Variants in GATAD2A observed in about 807,000 individuals in gnomAD.
GATAD2A encodes the protein GATA zinc finger domain containing 2A.
A neutral mutation model predicts 68.5 loss-of-function variants in GATAD2A; 12 were observed. The ratio of observed to expected loss-of-function variants is 0.18; its 90% CI spans 0.11 to 0.28. GATAD2A has a LOEUF of 0.28. Among genes scored for constraint, GATAD2A ranks in the 10% least tolerant of loss-of-function variants. The probability of loss-of-function intolerance (pLI) is 1.00; values close to 1 mark genes in which losing one functional copy is unlikely to be tolerated. For missense variants in GATAD2A, 755 were observed against 868.5 expected (o/e 0.87, Z 1.64); for synonymous variants, 410 against 375.3 (o/e 1.09, Z -1.07).
intron 11 of GATAD2A, 81 bp from the exon 12 acceptor site, chr19:19,505,263 G>A: frequency 1.4e-6 from 2 of 1,397,632 alleles, no homozygotes; most frequent in Admixed American, 1.9e-5. Context: ...TGGGGCTGGG[G>A]TCTAGGCAGC....
intron 1 of GATAD2A, among the ~76,000 whole-genome samples, chr19:19,464,249 C>T (rs887533481): frequency 6.6e-6 from 1 of 152,228 alleles, no homozygotes; most frequent in African/African-American, 2.4e-5. Context: ...CACCAACTGT[C>T]CCATGGAAAA....
intron 1 of GATAD2A, among the ~76,000 whole-genome samples, chr19:19,443,322 G>T (rs958595692): frequency 3.3e-5 from 5 of 152,072 alleles, no homozygotes; most frequent in Non-Finnish European, 7.4e-5. Context: ...AGAAATTGGG[G>T]GTATGTGCAC....
chr19:19,498,857 G>T, intron 8 of GATAD2A, 135 bp downstream of exon 8: 2 of 712,854 alleles, frequency 2.8e-6, no homozygotes, highest in African/African-American at 1.8e-5. Context: ...GGCTTGGCAG[G>T]GACACCGTCA....
At chr19:19,494,428 C>A in intron 5 of GATAD2A, 45 bp downstream of exon 5, 1 of 1,235,992 alleles carries the variant, frequency 8.1e-7, no homozygotes, top group South Asian at 1.2e-5. Context: ...GCTGGCACTG[C>A]TGCTGTCAAG....
chr19:19,457,288 G>T, intron 1 of GATAD2A: 1 of 956,220 alleles, frequency 1.0e-6, no homozygotes, highest in Non-Finnish European at 1.2e-6. Context: ...CTTCCCAGGG[G>T]CCTCCCAGAG....
rs927861878 is a variant in GATAD2A, at chr19:19,505,726, TTCTC to T, written c.*256_*259del. The T allele has an allele frequency of 2.1e-6, 1 of 471,236 alleles. No homozygotes were observed. The highest frequency in any genetic ancestry group is 2.0e-5 in the African/African-American group (1 of 49,008). 29.2% of individuals were successfully genotyped at this position (471,236 alleles called of 1,614,324 possible). A position where few individuals can be genotyped will look rare whatever the true frequency, so the allele number is the denominator to read the frequency against. The stretch of plus-strand genomic sequence containing the variant: ...GACCTTTCCCGTGGGCTTTCTTCCT[TTCTC>T]TCTTTGCCTTTAGTTTGCCCGACAC... On this transcript the variant is annotated 3_prime_UTR_variant, in exon 12 of 12. Transcript: ENST00000683918.
rs762181220 is a variant in GATAD2A at position 19,501,381 on chromosome 19, G to C, written c.1468G>C (p.Glu490Gln). The change falls in exon 9 of 12, where the codon GAG becomes CAG. Residue 490 changes from glutamate to glutamine, a missense_variant. By Grantham distance (29) the Glu-to-Gln change is conservative. Transcript: ENST00000683918. ...QGTAPAQAKA[E>Q]PTAAPHPVLK... The stretch of plus-strand genomic sequence containing the variant: ...CACGGCCCCTGCACAGGCCAAGGCC[G>C]AGCCCACCGCTGCCCCACACCCCGT... 6.2e-7 allele frequency: 1 copy of C among 1,607,434 alleles called. No homozygotes were observed. The highest frequency in any genetic ancestry group is 1.1e-5 in the South Asian group (1 of 90,422).
At chr19:19,470,151 T>A (rs936669932) in intron 2 of GATAD2A, among the ~76,000 whole-genome samples, 1 of 137,392 alleles carries the variant, frequency 7.3e-6, no homozygotes, top group African/African-American at 2.8e-5. Context: ...TTATTTTTTT[T>A]TTTGTTTTTT....
At chr19:19,495,240 C>T (rs926070599) in intron 5 of GATAD2A, among the ~76,000 whole-genome samples, 8 of 151,684 alleles carry the variant, frequency 5.3e-5, no homozygotes, top group African/African-American at 1.5e-4. Context: ...GATATCCACC[C>T]GCCTTGGCCT....
chr19:19,472,918 C>T (rs1298717930), intron 2 of GATAD2A, among the ~76,000 whole-genome samples: 1 of 152,198 alleles, frequency 6.6e-6, no homozygotes, highest in Non-Finnish European at 1.5e-5. Flanking sequence ...GTAATCAAGA[C>T]AGGATCTGAT....
chr19:19,483,228 ACT>A (rs1018733580), intron 2 of GATAD2A, among the ~76,000 whole-genome samples: 4 of 151,792 alleles, frequency 2.6e-5, no homozygotes, highest in African/African-American at 7.3e-5. Flanking sequence ...AGCCACACAG[ACT>A]CTCTCTCTTT....
rs201382142 is a variant in GATAD2A at position 19,501,131 on chromosome 19, G to A, written c.1218G>A (p.Ser406=). Residue 406 remains serine (S), a synonymous_variant, in exon 9 of 12, where the codon TCG becomes TCA. Coordinates refer to ENST00000683918, the MANE Select transcript of GATAD2A (RefSeq NM_001384528.1). ...GTCTGCTTGCAGCAGGCAGGATGTC[G>A]GCCGCCACTGTGCTGTCCCGGGAGC... The part of the protein sequence containing the change: ...NLLETQAGRM[S]AATVLSREPY... 1.3e-5 allele frequency: 21 copies of A among 1,608,000 alleles called. No individual in the cohort carries two copies. The highest frequency in any genetic ancestry group is 2.2e-5 in the East Asian group (1 of 44,764).
chr19:19,492,065 G>A (rs1197926128), intron 2 of GATAD2A, among the ~76,000 whole-genome samples: 1 of 152,248 alleles, frequency 6.6e-6, no homozygotes, highest in Non-Finnish European at 1.5e-5. Context: ...CGACATGGCG[G>A]CAGGCATGAA....
At chr19:19,399,763 G>A (rs1262288658) in intron 1 of GATAD2A, among the ~76,000 whole-genome samples, 1 of 152,252 alleles carries the variant, frequency 6.6e-6, no homozygotes, top group Middle Eastern at 3.4e-3. Flanking sequence ...TGGGGGGTTT[G>A]GGGAGTATAC....
Position 19,508,783 on chromosome 19 carries a change from CTT to C in GATAD2A, c.*3311_*3312del, listed in dbSNP as rs778395449. 6.6e-6 allele frequency: 1 copy of C among 152,116 alleles called. No individual in the cohort carries two copies. The highest frequency in any genetic ancestry group is 2.4e-5 in the African/African-American group (1 of 41,414). The allele number at this position is 152,116 out of a possible 1,614,324, so 9.4% of individuals were successfully genotyped here. On this transcript the variant is annotated 3_prime_UTR_variant, in exon 12 of 12. Transcript: ENST00000683918. ...ACTTGTATTTATTGTGACTCTAAATCTTTGATAGTAAAACAAATGTAAAAAGA... is the reference window on the plus strand; with the variant it reads ...ACTTGTATTTATTGTGACTCTAAATCTGATAGTAAAACAAATGTAAAAAGA...
intron 1 of GATAD2A, among the ~76,000 whole-genome samples, chr19:19,415,916 G>T (rs538609071): frequency 6.6e-6 from 1 of 151,630 alleles, no homozygotes; most frequent in Non-Finnish European, 1.5e-5. Flanking sequence ...ACGCCCGGCC[G>T]ACTTTACATT....
Position 19,444,163 on chromosome 19 carries a change from C to T in GATAD2A, c.-6-21177C>T, listed in dbSNP as rs544471800. On this transcript the variant is annotated intron_variant, in intron 1 of 11. Coordinates refer to ENST00000683918, the MANE Select transcript of GATAD2A (RefSeq NM_001384528.1). ...GCCTCCCTGCTCAGTACCTGGGGCA[C>T]ATCTGACTACCACTCCAGTACCCTG... Among the ~76,000 whole-genome samples the T allele has an allele frequency of 6.6e-5, 10 of 152,262 alleles. No individual in the cohort carries two copies. The South Asian group carries it at 2.1e-3, about 32-fold the overall frequency.
intron 1 of GATAD2A, among the ~76,000 whole-genome samples, chr19:19,462,698 G>A (rs539669134): frequency 6.6e-6 from 1 of 152,356 alleles, no homozygotes; most frequent in South Asian, 2.1e-4. Flanking sequence ...CTGGGCACCT[G>A]AGGCCCTGCT....
At position 19,508,434 on chromosome 19, in the gene GATAD2A, C is replaced by T. The variant is rs1439068509; in HGVS notation, c.*2960C>T. On this transcript the variant is annotated 3_prime_UTR_variant, in exon 12 of 12. Coordinates refer to ENST00000683918, the MANE Select transcript of GATAD2A (RefSeq NM_001384528.1). Reference sequence around the variant, plus strand: ...CTGGTCTTACCTGTACTCCACGGACCTCGGTGAAGCAAAAGCTTCAGGGCA... The same window carrying T: ...CTGGTCTTACCTGTACTCCACGGACTTCGGTGAAGCAAAAGCTTCAGGGCA... 6.6e-6 allele frequency: 1 copy of T among 152,256 alleles called. No individual in the cohort carries two copies. Among genetic ancestry groups the T allele is most frequent in the Non-Finnish European group, 1.5e-5 (1 of 68,068 alleles). The allele number at this position is 152,256 out of a possible 1,614,324, so 9.4% of individuals were successfully genotyped here. A position where few individuals can be genotyped will look rare whatever the true frequency, so the allele number is the denominator to read the frequency against.
Sources: allele counts gnomAD v4.1 joint callset (sites outside exome capture counted in the v4.1 genomes callset), GRCh38; gene constraint gnomAD v4.1.1; transcripts MANE v1.5; gene names NCBI Gene and HGNC (gene_info 2026-07-23, HGNC 2026-07-21).